VWC2: variants seen among roughly 807,000 people sequenced by gnomAD.
VWC2 encodes von Willebrand factor C domain containing 2, also known as brorin.
VWC2 carries 14 observed loss-of-function variants against 29.8 expected under a neutral mutation model. The observed-to-expected ratio is 0.47, with a 90% confidence interval of 0.31 to 0.74. The LOEUF is 0.74. VWC2 is among the 30% of genes least tolerant of loss of function. The pLI is 0.05. For missense variants in VWC2, 457 were observed against 459.8 expected, an observed-to-expected ratio of 0.99 and a Z score of 0.05; for synonymous variants, 213 against 199.0, an observed-to-expected ratio of 1.07 and a Z score of -0.59.
At chr7:49,850,677 A>G (rs1790141178) in intron 3 of VWC2, among the ~76,000 whole-genome samples, 1 of 152,228 alleles carries the variant, frequency 6.6e-6, no homozygotes, top group Admixed American at 6.5e-5. Context: ...CATCTTCTGG[A>G]AAAAAGCCAG....
At chr7:49,880,913 C>T (rs1326313631) in intron 3 of VWC2, among the ~76,000 whole-genome samples, 3 of 152,136 alleles carry the variant, frequency 2.0e-5, no homozygotes, top group African/African-American at 7.2e-5. Flanking sequence ...AGATTGGGCA[C>T]GTTCAGGGTG....
chr7:49,803,337 T>G (rs1788789597), intron 3 of VWC2, among the ~76,000 whole-genome samples: 1 of 152,228 alleles, frequency 6.6e-6, no homozygotes, highest in South Asian at 2.1e-4. Flanking sequence ...AGTGGCAGGA[T>G]GTCCTTGATC....
intron 3 of VWC2, among the ~76,000 whole-genome samples, chr7:49,876,294 A>G (rs1440808953): frequency 6.6e-6 from 1 of 152,302 alleles, no homozygotes; most frequent in East Asian, 1.9e-4. Flanking sequence ...AGTTGTAGTT[A>G]GTTTGGTGAA....
Position 49,775,729 on chromosome 7 carries a change from C to A in VWC2, c.294C>A (p.Val98=). 1.3e-6 allele frequency: 2 copies of A among 1,516,148 alleles called. No homozygotes were observed. The highest frequency in any genetic ancestry group is 1.3e-5 in the South Asian group (1 of 78,370). The allele number at this position is 1,516,148 out of a possible 1,614,324, so 93.9% of individuals were successfully genotyped here. A position where few individuals can be genotyped will look rare whatever the true frequency, so the allele number is the denominator to read the frequency against. Reference sequence around the variant, plus strand: ...GGAGCAAGCTGAAGCAGGCCTGGGTCTCCCAGGGCGGGGGCGCCAAGGCCG... The same window carrying A: ...GGAGCAAGCTGAAGCAGGCCTGGGTATCCCAGGGCGGGGGCGCCAAGGCCG... ...EPWSKLKQAW[V]SQGGGAKAGD... Residue 98 remains valine (V), a synonymous_variant, in exon 2 of 4, where the codon GTC becomes GTA. Transcript: ENST00000340652.
Position 49,823,063 on chromosome 7 carries a change from C to T in VWC2, c.826+20223C>T, listed in dbSNP as rs555136327. ...GGGAGTGAGTGGATGTGTTTTACTT[C>T]GTAAGAAACTGTCAAACAGTTTTCC... On this transcript the variant is annotated intron_variant, in intron 3 of 3. Coordinates refer to ENST00000340652, the MANE Select transcript of VWC2 (RefSeq NM_198570.5). Among the ~76,000 whole-genome samples, 12 of 152,284 alleles carry T rather than the reference C, an allele frequency of 7.9e-5. No individual in the cohort carries two copies. The East Asian group carries it at 1.9e-3, about 24-fold the overall frequency.
chr7:49,905,829 G>C (rs1477871547), intron 3 of VWC2, among the ~76,000 whole-genome samples: 2 of 152,198 alleles, frequency 1.3e-5, no homozygotes, highest in African/African-American at 2.4e-5. Flanking sequence ...ACAGGCTGCA[G>C]TAAAGAAGCC....
At chr7:49,831,538 T>C (rs566358945) in intron 3 of VWC2, among the ~76,000 whole-genome samples, 27 of 152,188 alleles carry the variant, frequency 1.8e-4, no homozygotes, top group Non-Finnish European at 3.4e-4. Context: ...GGGTAGAATA[T>C]ACAGGTGGCA....
chr7:49,823,477 G>A (rs1789312825), intron 3 of VWC2, among the ~76,000 whole-genome samples: 2 of 152,174 alleles, frequency 1.3e-5, no homozygotes, highest in African/African-American at 4.8e-5. Context: ...CTTCTGTATG[G>A]CAAGCGGGGT....
At chr7:49,878,632 T>G (rs761595731) in intron 3 of VWC2, among the ~76,000 whole-genome samples, 3 of 152,294 alleles carry the variant, frequency 2.0e-5, no homozygotes, top group Non-Finnish European at 4.4e-5. Flanking sequence ...AAGTTGTATA[T>G]TATTATTAGT....
rs1170158408 is a variant in VWC2, at chr7:49,793,245, T to C, written c.697-9466T>C. ...ATGTGAGATTTTTTAAAATGTGTGTTTAAAATGTATCAAATATGCCTAAAT... is the reference window on the plus strand; with the variant it reads ...ATGTGAGATTTTTTAAAATGTGTGTCTAAAATGTATCAAATATGCCTAAAT... On this transcript the variant is annotated intron_variant, in intron 2 of 3. Transcript: ENST00000340652. Among the ~76,000 whole-genome samples, 3 of 152,210 alleles carry C rather than the reference T, an allele frequency of 2.0e-5. No homozygotes were observed. In the East Asian group the frequency reaches 5.8e-4, roughly 29 times the overall value.
Position 49,825,200 on chromosome 7 carries a change from T to A in VWC2, c.826+22360T>A, listed in dbSNP as rs1045804039. Among the ~76,000 whole-genome samples the A allele has an allele frequency of 7.9e-5, 12 of 152,222 alleles. 1 individual carries two copies. The highest frequency in any genetic ancestry group is 1.5e-5 in the Non-Finnish European group (1 of 68,048). ...TTTCAATTCTAGAAATTCCATAAAA[T>A]CATTTTTATAGTTTTCATTTCTTCA... On this transcript the variant is annotated intron_variant, in intron 3 of 3. Coordinates refer to ENST00000340652, the MANE Select transcript of VWC2 (RefSeq NM_198570.5).
chr7:49,849,157 C>A (rs1424284718), intron 3 of VWC2, among the ~76,000 whole-genome samples: 4 of 152,184 alleles, frequency 2.6e-5, no homozygotes, highest in Non-Finnish European at 5.9e-5. Flanking sequence ...ACCCTACAGT[C>A]CCAGGGAAAC....
intron 3 of VWC2, among the ~76,000 whole-genome samples, chr7:49,803,172 C>G (rs1788785134): frequency 6.6e-6 from 1 of 152,200 alleles, no homozygotes; most frequent in Non-Finnish European, 1.5e-5. Context: ...ATTAAACACA[C>G]TGGTTGGGCT....
At chr7:49,840,200 G>A (rs1002300559) in intron 3 of VWC2, among the ~76,000 whole-genome samples, 12 of 152,206 alleles carry the variant, frequency 7.9e-5, no homozygotes, top group African/African-American at 2.9e-4. Context: ...TTTCGAGAGA[G>A]TTGTAGATGA....
intron 3 of VWC2, among the ~76,000 whole-genome samples, chr7:49,818,219 G>A (rs917312751): frequency 4.6e-5 from 7 of 152,150 alleles, no homozygotes; most frequent in Non-Finnish European, 8.8e-5. Context: ...AGTATTCAGA[G>A]GATGGGGAGC....
intron 3 of VWC2, among the ~76,000 whole-genome samples, chr7:49,893,115 T>C (rs1369986209): frequency 6.6e-6 from 1 of 152,250 alleles, no homozygotes; most frequent in African/African-American, 2.4e-5. Context: ...CCTGAGAATG[T>C]TGAGCATGAG....
chr7:49,807,881 T>A (rs1161574784), intron 3 of VWC2, among the ~76,000 whole-genome samples: 2 of 152,134 alleles, frequency 1.3e-5, no homozygotes, highest in African/African-American at 4.8e-5. Flanking sequence ...TAATATCTAT[T>A]TAAATAATAC....
intron 3 of VWC2, among the ~76,000 whole-genome samples, chr7:49,868,349 A>G (rs1791000548): frequency 1.3e-5 from 2 of 152,222 alleles, no homozygotes; most frequent in Non-Finnish European, 2.9e-5. Flanking sequence ...AGATATTTCA[A>G]AGTATTGATG....
At chr7:49,902,436 T>G (rs1388383120) in intron 3 of VWC2, among the ~76,000 whole-genome samples, 1 of 151,656 alleles carries the variant, frequency 6.6e-6, no homozygotes, top group Non-Finnish European at 1.5e-5. Flanking sequence ...CCCACAACAG[T>G]ACAGCAAATT....
Sources: gnomAD v4.1 joint callset for allele counts (sites outside exome capture counted in the v4.1 genomes callset) on GRCh38, gnomAD v4.1.1 for gene constraint, MANE v1.5 for transcripts, NCBI Gene and HGNC (gene_info 2026-07-23, HGNC 2026-07-21) for gene names.